The following KCNN2 variants were observed in gnomAD, a reference collection of about 807,000 sequenced individuals.
The protein encoded by KCNN2 is small conductance calcium-activated potassium channel protein 2.
In KCNN2, 24 loss-of-function variants were observed where a neutral mutation model predicts 55.5. That is an observed-to-expected ratio of 0.43 (90% CI 0.31 to 0.61). The LOEUF (loss-of-function observed/expected upper bound fraction) is 0.61, where lower values mean the gene tolerates loss of function less well. Ranked by LOEUF, KCNN2 falls within the 20% of genes least tolerant of loss-of-function variation. The pLI, the probability that KCNN2 is intolerant of heterozygous loss-of-function variation, is 0.08. For synonymous variants in KCNN2, 431 were observed against 336.1 expected, an observed-to-expected ratio of 1.28 and a Z score of -3.09; for missense variants, 754 against 853.6, an observed-to-expected ratio of 0.88 and a Z score of 1.45.
intron 1 of KCNN2, among the ~76,000 whole-genome samples, chr5:114,130,853 A>C (rs1469349658): frequency 6.6e-6 from 1 of 152,184 alleles, no homozygotes; most frequent in Non-Finnish European, 1.5e-5. Context: ...ATGCTTTTAT[A>C]TAACGCCTTG....
intron 2 of KCNN2, among the ~76,000 whole-genome samples, chr5:114,398,757 T>A (rs932278873): frequency 6.6e-5 from 10 of 152,114 alleles, no homozygotes; most frequent in African/African-American, 9.7e-5. Context: ...AGATCTTTCA[T>A]CTTCTTGTTT....
intron 1 of KCNN2, among the ~76,000 whole-genome samples, chr5:114,168,134 T>C: frequency 1.3e-5 from 2 of 149,748 alleles, no homozygotes; most frequent in Middle Eastern, 3.4e-3. Context: ...ATTATATATG[T>C]GTGTATATAG....
At chr5:114,187,820 T>C (rs1753369837) in intron 1 of KCNN2, among the ~76,000 whole-genome samples, 1 of 148,764 alleles carries the variant, frequency 6.7e-6, no homozygotes, top group African/African-American at 2.5e-5. Context: ...TTTTTTTCTT[T>C]TTTTTTTTTT....
intron 2 of KCNN2, 93 bp from the exon 3 acceptor site, chr5:114,404,344 TA>T: frequency 9.9e-7 from 1 of 1,011,268 alleles, no homozygotes; most frequent in South Asian, 1.5e-5. Flanking sequence ...CCATGATTGC[TA>T]AAAGTCATCT....
At chr5:114,213,284 C>T in intron 1 of KCNN2, among the ~76,000 whole-genome samples, 1 of 151,910 alleles carries the variant, frequency 6.6e-6, no homozygotes, top group East Asian at 1.9e-4. Context: ...ATCCTATTTG[C>T]TGTTTCAATT....
rs147389478 is a variant in KCNN2 at position 114,391,488 on chromosome 5, C to G, written c.1219-12950C>G. On this transcript the variant is annotated intron_variant, in intron 2 of 7. Coordinates refer to ENST00000673685, the MANE Select transcript of KCNN2 (RefSeq NM_021614.4). ...GCCAGAAATTAAATCCAAGCTTTTC[C>G]GGCTCCAAAATGTTGTGTGTGTGTG... is the stretch of plus-strand genomic sequence containing the variant. Among the ~76,000 whole-genome samples, 977 of 152,116 alleles carry G rather than the reference C, an allele frequency of 6.4e-3. 10 individuals are homozygous for G. Among genetic ancestry groups the G allele is most frequent in the African/African-American group, 0.022 (927 of 41,508 alleles).
At chr5:114,464,454 C>G (rs1761347916) in intron 4 of KCNN2, among the ~76,000 whole-genome samples, 1 of 152,118 alleles carries the variant, frequency 6.6e-6, no homozygotes, top group Non-Finnish European at 1.5e-5. Context: ...CTGTATTCAC[C>G]CACAGGCTGG....
At chr5:114,111,637 A>C (rs13187004) in intron 1 of KCNN2, among the ~76,000 whole-genome samples, 22,382 of 152,188 alleles carry the variant, frequency 0.15, 1,760 homozygotes, top group Middle Eastern at 0.22. Context: ...ATTTACAAGA[A>C]AAAAACAACC....
chr5:114,122,910 C>T lies in KCNN2; in HGVS notation c.-271+66410C>T, dbSNP rs143576567. Among the ~76,000 whole-genome samples, 867 of 152,220 alleles carry T rather than the reference C, an allele frequency of 5.7e-3. 7 individuals are homozygous for T. Among genetic ancestry groups the T allele is most frequent in the Non-Finnish European group, 9.4e-3 (642 of 68,022 alleles). On this transcript the variant is annotated intron_variant, in intron 1 of 10. Transcript: ENST00000512097. ...AATTCTTGTAAGTAGAAGAAGAACA[C>T]GCTATATTTTAAAATATCTGCATTA...
At chr5:114,202,565 G>GTATATATATA (rs1465277634) in intron 1 of KCNN2, among the ~76,000 whole-genome samples, 4 of 92,080 alleles carry the variant, frequency 4.3e-5, no homozygotes, top group African/African-American at 1.6e-4. Flanking sequence ...ATATATGTGT[G>GTATATATATA]TGTATATATA....
chr5:114,277,062 T>A (rs902552516), intron 2 of KCNN2, among the ~76,000 whole-genome samples: 2 of 152,182 alleles, frequency 1.3e-5, no homozygotes, highest in Admixed American at 1.3e-4. Context: ...CATTTTCTTG[T>A]CTGTAAGGGA....
intron 1 of KCNN2, among the ~76,000 whole-genome samples, chr5:114,209,156 A>G (rs1298538524): frequency 6.6e-6 from 1 of 151,678 alleles, no homozygotes; most frequent in Non-Finnish European, 1.5e-5. Context: ...TCCTGGCCTC[A>G]AGGGATCCTC....
intron 3 of KCNN2, among the ~76,000 whole-genome samples, chr5:114,406,307 C>A (rs1036095972): frequency 7.1e-6 from 1 of 141,132 alleles, no homozygotes; most frequent in Non-Finnish European, 1.5e-5. Flanking sequence ...TTGGAGCTAT[C>A]TATTAACTTT....
At chr5:114,128,806 A>C (rs931056355) in intron 1 of KCNN2, among the ~76,000 whole-genome samples, 1 of 152,230 alleles carries the variant, frequency 6.6e-6, no homozygotes, top group Non-Finnish European at 1.5e-5. Flanking sequence ...AGACAATTTC[A>C]GTAAATCTGC....
intron 6 of KCNN2, among the ~76,000 whole-genome samples, chr5:114,490,484 A>G (rs1050778797): frequency 1.3e-5 from 2 of 152,180 alleles, no homozygotes; most frequent in African/African-American, 4.8e-5. Flanking sequence ...CAGATGGGAA[A>G]GTATAGTAGC....
At chr5:114,179,052 G>A (rs1561511425) in intron 1 of KCNN2, among the ~76,000 whole-genome samples, 1 of 151,996 alleles carries the variant, frequency 6.6e-6, no homozygotes, top group Non-Finnish European at 1.5e-5. Context: ...ATAAACTTGG[G>A]GAACTGTATT....
intron 2 of KCNN2, among the ~76,000 whole-genome samples, chr5:114,287,681 GGTGCA>G (rs1457503437): frequency 6.6e-6 from 1 of 151,724 alleles, no homozygotes; most frequent in African/African-American, 2.4e-5. Flanking sequence ...CGGGTTGATG[GGTGCA>G]GTAAACCGCC....
At chr5:114,081,618 A>G (rs1400293357) in intron 1 of KCNN2, among the ~76,000 whole-genome samples, 1 of 152,218 alleles carries the variant, frequency 6.6e-6, no homozygotes, top group Admixed American at 6.5e-5. Flanking sequence ...ACCATATACA[A>G]AAATTAACTC....
intron 1 of KCNN2, among the ~76,000 whole-genome samples, chr5:114,189,948 A>G (rs916245010): frequency 6.6e-6 from 1 of 152,150 alleles, no homozygotes; most frequent in Admixed American, 6.5e-5. Context: ...AAAGATCTCA[A>G]AGTGAAAAGC....
Sources: allele counts gnomAD v4.1 joint callset (sites outside exome capture counted in the v4.1 genomes callset), GRCh38; gene constraint gnomAD v4.1.1; transcripts MANE v1.5; gene names NCBI Gene and HGNC (gene_info 2026-07-23, HGNC 2026-07-21).